DCDC2: variants seen among roughly 807,000 people sequenced by gnomAD.
DCDC2 encodes the protein doublecortin domain-containing protein 2.
In DCDC2, 40 loss-of-function variants were observed where a neutral mutation model predicts 50.2. That is an observed-to-expected ratio of 0.80 (90% CI 0.62 to 1.04). The LOEUF (loss-of-function observed/expected upper bound fraction) is 1.04, where lower values mean the gene tolerates loss of function less well. DCDC2 is among the 50% of genes least tolerant of loss of function. DCDC2 has a pLI of 0.00. For synonymous variants in DCDC2, 234 were observed against 210.6 expected, an observed-to-expected ratio of 1.11 and a Z score of -0.96; for missense variants, 570 against 581.9, an observed-to-expected ratio of 0.98 and a Z score of 0.21.
intron 7 of DCDC2, among the ~76,000 whole-genome samples, chr6:24,273,804 T>C (rs1763292569): frequency 6.6e-6 from 1 of 152,134 alleles, no homozygotes; most frequent in Non-Finnish European, 1.5e-5. Context: ...CATGTGCAGG[T>C]TGTAGCTATT....
chr6:24,343,051 CT>C (rs11322032), intron 2 of DCDC2, among the ~76,000 whole-genome samples: 33,757 of 123,864 alleles, frequency 0.27, 3,704 homozygotes, highest in African/African-American at 0.43. Context: ...GGTAAATATT[CT>C]TTTTTTTTTT....
intron 9 of DCDC2, among the ~76,000 whole-genome samples, chr6:24,176,556 T>A (rs1161226990): frequency 6.6e-6 from 1 of 152,218 alleles, no homozygotes; most frequent in Non-Finnish European, 1.5e-5. Flanking sequence ...GAAATATGTA[T>A]CCATTGTGAA....
chr6:24,281,007 G>A (rs1201095957), intron 6 of DCDC2, among the ~76,000 whole-genome samples: 4 of 152,076 alleles, frequency 2.6e-5, no homozygotes, highest in Non-Finnish European at 5.9e-5. Flanking sequence ...AGTTCTCTGG[G>A]GAAAGCATTA....
rs1763729674 is a variant in DCDC2 at position 24,290,958 on chromosome 6, G to T, written c.678C>A (p.Asp226Glu). 6.2e-7 allele frequency: 1 copy of T among 1,613,646 alleles called. No individual in the cohort carries two copies. The highest frequency in any genetic ancestry group is 1.3e-5 in the African/African-American group (1 of 74,916). Residue 226 changes from aspartate to glutamate, a missense_variant, in exon 5 of 10, where the codon GAC (aspartate) becomes GAA (glutamate). Asp to Glu is a conservative substitution (Grantham distance 45). Coordinates refer to ENST00000378454, the MANE Select transcript of DCDC2 (RefSeq NM_016356.5). ...CAAAAGGCCTTCTCATCGTTGACTT[G>T]TCAAAAAGTAACTCACTGTAAGGCA... ...KKLPYSELLF[D>E]KSTMRRPFGQ... is the part of the protein sequence containing the mutation.
intron 2 of DCDC2, among the ~76,000 whole-genome samples, chr6:24,325,391 T>A (rs568965581): frequency 4.0e-5 from 6 of 149,676 alleles, no homozygotes; most frequent in African/African-American, 1.4e-4. Context: ...CAATCAACTG[T>A]CTTCCTTGAA....
chr6:24,284,209 C>T (rs187178899), intron 6 of DCDC2, among the ~76,000 whole-genome samples: 34 of 152,166 alleles, frequency 2.2e-4, no homozygotes, highest in Non-Finnish European at 3.8e-4. Flanking sequence ...GGCCACCTAG[C>T]GGACTCACCT....
chr6:24,273,846 A>T (rs1319891124), intron 7 of DCDC2, among the ~76,000 whole-genome samples: 3 of 152,252 alleles, frequency 2.0e-5, no homozygotes, highest in Non-Finnish European at 4.4e-5. Flanking sequence ...GCTCAAGGGC[A>T]GTCACCCAAC....
At chr6:24,326,211 A>C (rs574495932) in intron 2 of DCDC2, among the ~76,000 whole-genome samples, 1 of 145,696 alleles carries the variant, frequency 6.9e-6, no homozygotes, top group African/African-American at 2.4e-5. Flanking sequence ...GGAAGGAAAG[A>C]ATGAAGGAAG....
chr6:24,185,285 C>T (rs1252751658), intron 8 of DCDC2, among the ~76,000 whole-genome samples: 1 of 152,130 alleles, frequency 6.6e-6, no homozygotes, highest in Non-Finnish European at 1.5e-5. Flanking sequence ...CAGTATTATG[C>T]TTTCATCCCA....
At chr6:24,301,367 TCTC>T (rs1759369638) in intron 4 of DCDC2, among the ~76,000 whole-genome samples, 1 of 38,076 alleles carries the variant, frequency 2.6e-5, no homozygotes, top group Non-Finnish European at 4.1e-5. Context: ...CAAGGCTCCA[TCTC>T]AAAAAAAAAA....
Position 24,353,583 on chromosome 6 carries a change from C to T in DCDC2, c.334G>A (p.Val112Ile), listed in dbSNP as rs761447280. ...IGEIKKRPME[V>I]VNTEVKPVIH... Reference sequence around the variant, plus strand: ...ATTTGCATTACCTCTGTATTAACAACTTCCATTGGTCTTTTCTTGATTTCT... The same window carrying T: ...ATTTGCATTACCTCTGTATTAACAATTTCCATTGGTCTTTTCTTGATTTCT... Residue 112 changes from valine (V) to isoleucine (I), a missense_variant, in exon 2 of 10, where the codon GTT becomes ATT. Physicochemically the swap from Val to Ile is conservative, Grantham distance 29. Transcript: ENST00000378454. 35 of 1,586,390 alleles carry T rather than the reference C, an allele frequency of 2.2e-5. No individual in the cohort carries two copies. The highest frequency in any genetic ancestry group is 4.1e-5 in the African/African-American group (3 of 73,552).
chr6:24,291,794 C>G (rs1250798702), intron 4 of DCDC2, among the ~76,000 whole-genome samples: 1 of 152,164 alleles, frequency 6.6e-6, no homozygotes, highest in Non-Finnish European at 1.5e-5. Flanking sequence ...CTTGTTAATA[C>G]TTTTAAATTT....
intron 1 of DCDC2, among the ~76,000 whole-genome samples, chr6:24,356,137 G>A (rs558574568): frequency 7.9e-5 from 12 of 152,262 alleles, no homozygotes; most frequent in African/African-American, 2.6e-4. Flanking sequence ...TAGTTAAAAT[G>A]TGAAACAACC....
chr6:24,200,425 G>A (rs918983569), intron 8 of DCDC2, among the ~76,000 whole-genome samples: 6 of 152,110 alleles, frequency 3.9e-5, no homozygotes, highest in Non-Finnish European at 7.4e-5. Flanking sequence ...ATAAGCGAAG[G>A]AGAAATAAAA....
intron 2 of DCDC2, among the ~76,000 whole-genome samples, chr6:24,339,709 G>A (rs1760121876): frequency 1.3e-5 from 2 of 152,150 alleles, no homozygotes; most frequent in Admixed American, 1.3e-4. Flanking sequence ...TTATAATTCT[G>A]TCTGTGTACT....
chr6:24,370,216 G>T, the DCDC2 span, among the ~76,000 whole-genome samples: 1 of 152,104 alleles, frequency 6.6e-6, no homozygotes, highest in Non-Finnish European at 1.5e-5. Flanking sequence ...CATCCACTAG[G>T]ATGGCTATAA....
At chr6:24,314,499 A>AAAACAC (rs1441835223) in intron 2 of DCDC2, among the ~76,000 whole-genome samples, 1 of 152,068 alleles carries the variant, frequency 6.6e-6, no homozygotes, top group African/African-American at 2.4e-5. Flanking sequence ...AACAAAAACA[A>AAAACAC]AAAAGCACTA....
At chr6:24,326,151 G>A (rs1428801802) in intron 2 of DCDC2, among the ~76,000 whole-genome samples, 1 of 133,132 alleles carries the variant, frequency 7.5e-6, no homozygotes. Context: ...AAGAGAGGAA[G>A]GAAAGAGAGG....
In DCDC2 at chr6:24,353,632, AAAAC is replaced by A. The variant is rs374485384; in HGVS notation, c.294-13_294-10del. 27,885 of 1,561,562 alleles carry A rather than the reference AAAAC, an allele frequency of 0.018. 376 individuals carry two copies. The highest frequency in any genetic ancestry group is 0.02 in the Non-Finnish European group (23,255 of 1,149,034). On this transcript the variant is annotated splice_polypyrimidine_tract_variant and intron_variant, in intron 1 of 9. Coordinates refer to ENST00000378454, the MANE Select transcript of DCDC2 (RefSeq NM_016356.5). ...CTCCTATGTCCAAGTAACTGAGGAA[AAAAC>A]AAACAAACAATAAGAGTTGCTTTTA...
Sources: allele counts gnomAD v4.1 joint callset (sites outside exome capture counted in the v4.1 genomes callset), GRCh38; gene constraint gnomAD v4.1.1; transcripts MANE v1.5; gene names NCBI Gene and HGNC (gene_info 2026-07-23, HGNC 2026-07-21).